BABAM2: variants seen among roughly 807,000 people sequenced by gnomAD.
BABAM2 encodes the protein BRISC and BRCA1-A complex member 2.
BABAM2 carries 31 observed loss-of-function variants against 54.7 expected under a neutral mutation model. That is an observed-to-expected ratio of 0.57 (90% CI 0.43 to 0.77). The LOEUF is 0.77. BABAM2 is among the 30% of genes least tolerant of loss of function. The pLI, the probability that BABAM2 is intolerant of heterozygous loss-of-function variation, is 0.00. For missense variants in BABAM2, 364 were observed against 455.8 expected (o/e 0.80, Z 1.83); for synonymous variants, 167 against 162.9 (o/e 1.03, Z -0.19).
chr2:27,998,637 A>T (rs943258080), intron 4 of BABAM2, among the ~76,000 whole-genome samples: 13 of 152,038 alleles, frequency 8.6e-5, no homozygotes, highest in Non-Finnish European at 1.6e-4. Context: ...CTTTTTCTTT[A>T]TTTTTGTTTG....
chr2:28,279,990 A>C (rs1348279937), intron 10 of BABAM2, among the ~76,000 whole-genome samples: 3 of 151,444 alleles, frequency 2.0e-5, no homozygotes, highest in African/African-American at 7.3e-5. Flanking sequence ...GTAAATGTAA[A>C]AACTCACATA....
In BABAM2 at chr2:28,026,935, T is replaced by TCA. The variant is rs1558667857; in HGVS notation, c.495+1515_495+1516insCA. On this transcript the variant is annotated intron_variant, in intron 5 of 11. Coordinates refer to ENST00000379624, the MANE Select transcript of BABAM2 (RefSeq NM_199191.3). Reference sequence around the variant, plus strand: ...ATATATTAATATATATAAATATATATATAAATATATATTAATATATATAAA... The same window carrying TCA: ...ATATATTAATATATATAAATATATATCAATAAATATATATTAATATATATAAA... Among the ~76,000 whole-genome samples the TCA allele has an allele frequency of 1.2e-3, 18 of 14,742 alleles. 2 individuals carry two copies. Among genetic ancestry groups the TCA allele is most frequent in the African/African-American group, 2.0e-3 (18 of 8,892 alleles). The allele number at this position is 14,742 out of a possible 152,430, so 9.7% of individuals were successfully genotyped here.
chr2:28,279,411 A>G (rs889642886), intron 10 of BABAM2, among the ~76,000 whole-genome samples: 5 of 152,156 alleles, frequency 3.3e-5, no homozygotes, highest in Non-Finnish European at 5.9e-5. Flanking sequence ...AAAATGGCAC[A>G]GTATGAAACA....
At chr2:28,023,192 T>G (rs905071272) in intron 4 of BABAM2, among the ~76,000 whole-genome samples, 1 of 152,208 alleles carries the variant, frequency 6.6e-6, no homozygotes, top group Non-Finnish European at 1.5e-5. Flanking sequence ...GTTGCCAACT[T>G]ATATGTTTTT....
intron 10 of BABAM2, among the ~76,000 whole-genome samples, chr2:28,272,721 A>G (rs1465715958): frequency 6.6e-6 from 1 of 152,188 alleles, no homozygotes; most frequent in Non-Finnish European, 1.5e-5. Flanking sequence ...CCTGCTGTCA[A>G]GCTGCTCATT....
chr2:28,025,675 A>C (rs1482118051), intron 5 of BABAM2, among the ~76,000 whole-genome samples: 1 of 152,152 alleles, frequency 6.6e-6, no homozygotes, highest in Non-Finnish European at 1.5e-5. Flanking sequence ...TCAGAGGTGG[A>C]GCCTGAGGGC....
At chr2:28,110,756 G>A (rs930348572) in intron 6 of BABAM2, among the ~76,000 whole-genome samples, 16 of 152,020 alleles carry the variant, frequency 1.1e-4, no homozygotes, top group African/African-American at 3.6e-4. Context: ...TGGTGATTCC[G>A]TTTTTAACTT....
At chr2:28,021,907 C>T (rs528501159) in intron 4 of BABAM2, among the ~76,000 whole-genome samples, 34 of 152,156 alleles carry the variant, frequency 2.2e-4, no homozygotes, top group African/African-American at 8.0e-4. Flanking sequence ...CAGTGTTTTC[C>T]GTTTATAGGT....
intron 6 of BABAM2, among the ~76,000 whole-genome samples, chr2:28,057,495 AT>A (rs558961492): frequency 1.1e-3 from 162 of 144,852 alleles, no homozygotes; most frequent in Middle Eastern, 3.6e-3. Flanking sequence ...ACAGGTGACC[AT>A]TTTTTTTTTT....
intron 7 of BABAM2, among the ~76,000 whole-genome samples, chr2:28,162,998 T>C (rs1356928548): frequency 2.0e-5 from 3 of 152,198 alleles, no homozygotes; most frequent in African/African-American, 4.8e-5. Context: ...AAGAATAAAT[T>C]GGTTTTTTAG....
chr2:28,227,567 G>A (rs1010662962), intron 7 of BABAM2, among the ~76,000 whole-genome samples: 3 of 152,150 alleles, frequency 2.0e-5, no homozygotes. Context: ...CTTTTTTCTG[G>A]TAGTTTCAAT....
At chr2:27,898,957 TAAAA>T (rs944907147) in intron 2 of BABAM2, among the ~76,000 whole-genome samples, 1 of 143,352 alleles carries the variant, frequency 7.0e-6, no homozygotes, top group Non-Finnish European at 1.5e-5. Context: ...AAGCTGTCAT[TAAAA>T]AAAAAAAACC....
intron 10 of BABAM2, among the ~76,000 whole-genome samples, chr2:28,263,957 G>A (rs1320390461): frequency 6.6e-6 from 1 of 152,224 alleles, no homozygotes; most frequent in African/African-American, 2.4e-5. Context: ...GGCAAGCCTA[G>A]TGAAGATAAT....
At chr2:28,230,475 G>A (rs1681272994) in intron 7 of BABAM2, among the ~76,000 whole-genome samples, 1 of 152,068 alleles carries the variant, frequency 6.6e-6, no homozygotes, top group Non-Finnish European at 1.5e-5. Context: ...CAGCACTTTG[G>A]GAGGCCAAGG....
chr2:27,948,577 C>T (rs541248007), intron 3 of BABAM2, among the ~76,000 whole-genome samples: 1 of 152,160 alleles, frequency 6.6e-6, no homozygotes, highest in African/African-American at 2.4e-5. Context: ...TAGAGACCAG[C>T]CTGGCCAACA....
chr2:28,015,858 G>A, intron 4 of BABAM2: 1 of 723,746 alleles, frequency 1.4e-6, no homozygotes, highest in Non-Finnish European at 2.2e-6. Flanking sequence ...GTTCTTCACT[G>A]CTTTTCCTCT....
chr2:27,954,912 C>T (rs921287635), intron 3 of BABAM2, among the ~76,000 whole-genome samples: 5 of 152,148 alleles, frequency 3.3e-5, no homozygotes, highest in African/African-American at 1.2e-4. Flanking sequence ...GGGCTCGTGG[C>T]TGAGAGAATG....
chr2:27,922,782 A>C (rs549032048), intron 2 of BABAM2, among the ~76,000 whole-genome samples: 2 of 152,332 alleles, frequency 1.3e-5, no homozygotes, highest in East Asian at 3.9e-4. Context: ...TTGAGAGACA[A>C]ATTTGAAATT....
chr2:28,237,394 G>A lies in BABAM2; in HGVS notation c.780+93G>A, dbSNP rs571659963. On this transcript the variant is annotated intron_variant, in intron 8 of 11. Coordinates refer to ENST00000379624, the MANE Select transcript of BABAM2 (RefSeq NM_199191.3). ...TCATCGTGCATGCTCCATCCTTCTC[G>A]GACCGACTGCTCAGTTTCAGCCTCC... 3.6e-4 allele frequency: 407 copies of A among 1,124,944 alleles called. 1 individual carries two copies. Among genetic ancestry groups the A allele is most frequent in the South Asian group, 1.2e-3 (95 of 76,260 alleles). The allele number at this position is 1,124,944 out of a possible 1,614,324, so 69.7% of individuals were successfully genotyped here. A position where few individuals can be genotyped will look rare whatever the true frequency, so the allele number is the denominator to read the frequency against.
Sources: gnomAD v4.1 joint callset for allele counts (sites outside exome capture counted in the v4.1 genomes callset) on GRCh38, gnomAD v4.1.1 for gene constraint, MANE v1.5 for transcripts, NCBI Gene and HGNC (gene_info 2026-07-23, HGNC 2026-07-21) for gene names.